CLVS1: variants seen among roughly 807,000 people sequenced by gnomAD.
CLVS1 encodes the protein clavesin 1.
Under a neutral mutation model 33.1 loss-of-function variants are expected in CLVS1, and 10 were observed. That is an observed-to-expected ratio of 0.30 (90% CI 0.19 to 0.51). CLVS1 has a LOEUF of 0.51. Ranked by LOEUF, CLVS1 falls within the 20% of genes least tolerant of loss-of-function variation. CLVS1 has a pLI of 0.97. For synonymous variants in CLVS1, 163 were observed against 166.1 expected (o/e 0.98, Z 0.14); for missense variants, 343 against 433.4 (o/e 0.79, Z 1.85).
At chr8:61,045,321 C>T in the CLVS1 span, among the ~76,000 whole-genome samples, 25 of 152,302 alleles carry the variant, frequency 1.6e-4, no homozygotes, top group Non-Finnish European at 2.9e-4. Flanking sequence ...CCCACAAGAC[C>T]TTGACCATCT....
At chr8:61,089,278 ACT>A (rs1805187382) in intron 1 of CLVS1, among the ~76,000 whole-genome samples, 1 of 152,336 alleles carries the variant, frequency 6.6e-6, no homozygotes, top group Non-Finnish European at 1.5e-5. Flanking sequence ...TAGATGGAAC[ACT>A]CTGTCTCTAA....
At chr8:61,409,531 A>G (rs1489972578) in intron 3 of CLVS1, among the ~76,000 whole-genome samples, 2 of 152,216 alleles carry the variant, frequency 1.3e-5, no homozygotes, top group Admixed American at 1.3e-4. Context: ...ATGTACCACA[A>G]TTTGTTAAAC....
intron 3 of CLVS1, among the ~76,000 whole-genome samples, chr8:61,419,368 G>A (rs1815563806): frequency 7.1e-6 from 1 of 141,544 alleles, no homozygotes; most frequent in African/African-American, 2.8e-5. Context: ...CTGCACTCCA[G>A]CCTGGGTGAC....
intron 2 of CLVS1, among the ~76,000 whole-genome samples, chr8:61,167,410 A>T (rs1418809623): frequency 6.6e-6 from 1 of 151,714 alleles, no homozygotes; most frequent in Non-Finnish European, 1.5e-5. Context: ...TCGAAATCCT[A>T]ACTTCAGGTG....
chr8:61,317,536 A>G (rs530322610), intron 2 of CLVS1, among the ~76,000 whole-genome samples: 17 of 152,190 alleles, frequency 1.1e-4, no homozygotes, highest in African/African-American at 2.2e-4. Flanking sequence ...CTCTTGGTCC[A>G]TGCAGTTTTC....
At chr8:61,230,269 T>A (rs1422622611) in intron 2 of CLVS1, among the ~76,000 whole-genome samples, 2 of 152,170 alleles carry the variant, frequency 1.3e-5, no homozygotes, top group East Asian at 3.9e-4. Flanking sequence ...ATCTTAAATG[T>A]TAATACGAAC....
At chr8:61,247,891 G>A (rs1165385395) in intron 2 of CLVS1, among the ~76,000 whole-genome samples, 1 of 152,102 alleles carries the variant, frequency 6.6e-6, no homozygotes, top group Admixed American at 6.6e-5. Context: ...TGCCTAGGTT[G>A]CCTTCCAGGG....
upstream of CLVS1, among the ~76,000 whole-genome samples, chr8:61,284,044 G>A (rs1809727197): frequency 6.6e-6 from 1 of 152,150 alleles, no homozygotes; most frequent in South Asian, 2.1e-4. Context: ...CTGTAACAAA[G>A]AATGAAATCC....
the CLVS1 span, among the ~76,000 whole-genome samples, chr8:61,041,760 C>G: frequency 6.6e-6 from 1 of 152,132 alleles, no homozygotes; most frequent in East Asian, 1.9e-4. Flanking sequence ...GGTCTAGGAG[C>G]ATTTTGGCAG....
At chr8:61,066,556 G>A (rs1021768226) in intron 1 of CLVS1, among the ~76,000 whole-genome samples, 3 of 152,202 alleles carry the variant, frequency 2.0e-5, no homozygotes, top group Non-Finnish European at 4.4e-5. Flanking sequence ...TGGCTTTTCC[G>A]TTTGCTCCTC....
intron 2 of CLVS1, among the ~76,000 whole-genome samples, chr8:61,208,838 G>A (rs555062715): frequency 2.0e-5 from 3 of 152,206 alleles, no homozygotes; most frequent in East Asian, 1.9e-4. Context: ...TGCCCACCTC[G>A]GCCTCCCAAA....
chr8:61,333,849 C>T lies in CLVS1; in HGVS notation c.455+33567C>T, dbSNP rs190217856. ...GTTATTTTTTTTTGATCCTCTCCCTCCTCCCAACCTCCACCCTCCAATAGA... is the reference window on the plus strand; with the variant it reads ...GTTATTTTTTTTTGATCCTCTCCCTTCTCCCAACCTCCACCCTCCAATAGA... On this transcript the variant is annotated intron_variant, in intron 2 of 5. Coordinates refer to ENST00000325897, the MANE Select transcript of CLVS1 (RefSeq NM_173519.3). Among the ~76,000 whole-genome samples, 78 of 152,216 alleles carry T rather than the reference C, an allele frequency of 5.1e-4. 1 individual carries two copies. Among genetic ancestry groups the T allele is most frequent in the Admixed American group, 3.1e-3 (48 of 15,288 alleles).
intron 2 of CLVS1, among the ~76,000 whole-genome samples, chr8:61,213,905 G>A (rs1198474422): frequency 2.6e-5 from 4 of 152,178 alleles, no homozygotes; most frequent in Non-Finnish European, 5.9e-5. Flanking sequence ...AAATATCGCT[G>A]AACTCTTTTT....
At chr8:60,979,955 C>G in the CLVS1 span, among the ~76,000 whole-genome samples, 1 of 152,204 alleles carries the variant, frequency 6.6e-6, no homozygotes, top group Admixed American at 6.5e-5. Context: ...TCCTCTTGTT[C>G]TATTTAATTG....
chr8:61,097,685 A>G (rs1306336454), intron 1 of CLVS1, among the ~76,000 whole-genome samples: 1 of 152,198 alleles, frequency 6.6e-6, no homozygotes, highest in Non-Finnish European at 1.5e-5. Flanking sequence ...CATCTCCACT[A>G]TTAACTTCAA....
intron 2 of CLVS1, among the ~76,000 whole-genome samples, chr8:61,134,476 T>C (rs1806156297): frequency 6.6e-6 from 1 of 152,264 alleles, no homozygotes; most frequent in Non-Finnish European, 1.5e-5. Context: ...TGTCATGTAA[T>C]AATTTTATGA....
Position 61,299,801 on chromosome 8 carries a change from C to A in CLVS1, c.-27C>A. 6.5e-7 allele frequency: 1 copy of A among 1,549,672 alleles called. No individual in the cohort carries two copies. Among genetic ancestry groups the A allele is most frequent in the Non-Finnish European group, 8.8e-7 (1 of 1,134,976 alleles). ...TGGTAGTAAAACACTGTTGAATGGG[C>A]CACAGTTTCAGCAGACCATCAGGTG... On this transcript the variant is annotated 5_prime_UTR_variant, in exon 2 of 6. Coordinates refer to ENST00000325897, the MANE Select transcript of CLVS1 (RefSeq NM_173519.3).
chr8:61,051,620 C>G, the CLVS1 span, among the ~76,000 whole-genome samples: 1 of 152,262 alleles, frequency 6.6e-6, no homozygotes. Flanking sequence ...CCCACATCCG[C>G]AAAGAGCTCA....
intron 5 of CLVS1, among the ~76,000 whole-genome samples, chr8:61,496,928 T>C (rs756380716): frequency 6.6e-6 from 1 of 152,196 alleles, no homozygotes; most frequent in Non-Finnish European, 1.5e-5. Context: ...CTATACATCA[T>C]ATGACTTCTC....
Sources: gnomAD v4.1 joint callset for allele counts (sites outside exome capture counted in the v4.1 genomes callset) on GRCh38, gnomAD v4.1.1 for gene constraint, MANE v1.5 for transcripts, NCBI Gene and HGNC (gene_info 2026-07-23, HGNC 2026-07-21) for gene names.